PLPP3: variants seen among roughly 807,000 people sequenced by gnomAD.
PLPP3 encodes PAP2 beta.
A neutral mutation model predicts 29.6 loss-of-function variants in PLPP3; 6 were observed. The observed-to-expected ratio is 0.20, with a 90% confidence interval of 0.11 to 0.40. PLPP3 has a LOEUF of 0.40. PLPP3 is among the 10% of genes least tolerant of loss of function. PLPP3 has a pLI of 1.00. For synonymous variants in PLPP3, 152 were observed against 159.7 expected, an observed-to-expected ratio of 0.95 and a Z score of 0.36; for missense variants, 308 against 407.7, an observed-to-expected ratio of 0.76 and a Z score of 2.11.
chr1:56,577,268 T>C (rs1646242785), intron 1 of PLPP3, among the ~76,000 whole-genome samples: 1 of 152,202 alleles, frequency 6.6e-6, no homozygotes, highest in African/African-American at 2.4e-5. Flanking sequence ...TCTGTCCCAC[T>C]GTGCATGATA....
At chr1:56,501,636 G>A (rs1470769821) in intron 5 of PLPP3, among the ~76,000 whole-genome samples, 1 of 152,076 alleles carries the variant, frequency 6.6e-6, no homozygotes, top group Non-Finnish European at 1.5e-5. Flanking sequence ...ATCCCAGGGT[G>A]GAATATGATC....
intron 1 of PLPP3, among the ~76,000 whole-genome samples, chr1:56,557,547 C>G (rs953922414): frequency 1.3e-5 from 2 of 152,090 alleles, no homozygotes; most frequent in African/African-American, 4.8e-5. Flanking sequence ...AGTTGATACA[C>G]GTATAATTAA....
At position 56,578,963 on chromosome 1, in the gene PLPP3, G is replaced by C. The variant is rs754621620; in HGVS notation, c.54C>G (p.Gly18=). The part of the protein sequence containing the change: ...KAIVPESKNG[G]SPALNNNPRR... ...TCGGGTTGTTGTTGAGCGCCGGGCTGCCGCCGTTCTTGCTCTCCGGGACGA... is the reference window on the plus strand; with the variant it reads ...TCGGGTTGTTGTTGAGCGCCGGGCTCCCGCCGTTCTTGCTCTCCGGGACGA... The change falls in exon 1 of 6, where the codon GGC becomes GGG. Residue 18 remains glycine (G), a synonymous_variant. Transcript: ENST00000371250. 2.1e-5 allele frequency: 34 copies of C among 1,602,472 alleles called. No individual in the cohort carries two copies. In the East Asian group the frequency reaches 7.6e-4, roughly 36 times the overall value.
At chr1:56,561,638 A>C (rs1440206401) in intron 1 of PLPP3, among the ~76,000 whole-genome samples, 1 of 152,106 alleles carries the variant, frequency 6.6e-6, no homozygotes, top group Non-Finnish European at 1.5e-5. Flanking sequence ...TTTTTCAATG[A>C]AAATTTTTCA....
At chr1:56,553,274 G>C (rs1482981647) in intron 1 of PLPP3, among the ~76,000 whole-genome samples, 1 of 152,162 alleles carries the variant, frequency 6.6e-6, no homozygotes, top group East Asian at 1.9e-4. Context: ...TCCCAGCAGG[G>C]ACTCAAAATA....
intron 5 of PLPP3, among the ~76,000 whole-genome samples, chr1:56,499,348 C>T (rs944077815): frequency 2.0e-5 from 3 of 152,096 alleles, no homozygotes; most frequent in African/African-American, 7.2e-5. Context: ...CCATGCTCTC[C>T]CGTGTGTCCA....
intron 4 of PLPP3, among the ~76,000 whole-genome samples, chr1:56,516,134 T>C (rs1173227244): frequency 6.6e-6 from 1 of 152,098 alleles, no homozygotes; most frequent in African/African-American, 2.4e-5. Context: ...ACATCTGATA[T>C]GAGAAAAAAG....
chr1:56,555,031 G>C (rs543239955), intron 1 of PLPP3, among the ~76,000 whole-genome samples: 2 of 152,236 alleles, frequency 1.3e-5, no homozygotes, highest in South Asian at 4.1e-4. Flanking sequence ...GGTGATCACA[G>C]TTCAAATGTT....
intron 3 of PLPP3, 98 bp from the exon 4 acceptor site, chr1:56,523,978 A>G: frequency 7.3e-7 from 1 of 1,369,996 alleles, no homozygotes; most frequent in African/African-American, 1.4e-5. Context: ...CCTTGAGAGC[A>G]GGCACTAGGC....
chr1:56,496,312 C>T lies in PLPP3; in HGVS notation c.*239G>A, dbSNP rs1029998101. 2.4e-6 allele frequency: 1 copy of T among 410,884 alleles called. No homozygotes were observed. The highest frequency in any genetic ancestry group is 4.5e-6 in the Non-Finnish European group (1 of 221,716). 25.5% of individuals were successfully genotyped at this position (410,884 alleles called of 1,614,324 possible). A position where few individuals can be genotyped will look rare whatever the true frequency, so the allele number is the denominator to read the frequency against. On this transcript the variant is annotated 3_prime_UTR_variant, in exon 6 of 6. Transcript: ENST00000371250. ...CAAGCTGTGTTCACTAGAACATGAA[C>T]ACTTAAACCAATTGCACATCCAGGA...
chr1:56,518,914 G>C (rs567038344), intron 4 of PLPP3, among the ~76,000 whole-genome samples: 189 of 151,990 alleles, frequency 1.2e-3, no homozygotes, highest in African/African-American at 4.4e-3. Flanking sequence ...CAGATGGTGA[G>C]ACGTAAGGCT....
intron 1 of PLPP3, among the ~76,000 whole-genome samples, chr1:56,537,434 C>T (rs1391011328): frequency 2.6e-5 from 4 of 152,220 alleles, no homozygotes; most frequent in East Asian, 3.9e-4. Flanking sequence ...AAGCCCGAAT[C>T]GCAACATTTA....
At chr1:56,567,393 C>CTTTTTT (rs1172831045) in intron 1 of PLPP3, among the ~76,000 whole-genome samples, 26 of 116,952 alleles carry the variant, frequency 2.2e-4, no homozygotes, top group Admixed American at 4.5e-4. Flanking sequence ...TAAGGTATTT[C>CTTTTTT]TTTTTTTTTT....
intron 5 of PLPP3, among the ~76,000 whole-genome samples, chr1:56,506,556 A>G (rs1448699225): frequency 6.6e-6 from 1 of 152,202 alleles, no homozygotes; most frequent in African/African-American, 2.4e-5. Flanking sequence ...TCCTCTGCTG[A>G]ACCCACAGCA....
chr1:56,555,836 G>C (rs1480561553), intron 1 of PLPP3, among the ~76,000 whole-genome samples: 1 of 152,180 alleles, frequency 6.6e-6, no homozygotes, highest in South Asian at 2.1e-4. Context: ...GGTAAGTCTA[G>C]TGTGTGTGCT....
intron 1 of PLPP3, among the ~76,000 whole-genome samples, chr1:56,558,514 AT>A (rs1280547779): frequency 1.3e-5 from 2 of 152,232 alleles, no homozygotes; most frequent in East Asian, 3.9e-4. Flanking sequence ...TCTCTTATGC[AT>A]TTATTTGTTC....
At chr1:56,497,382 G>A (rs943000974) in intron 5 of PLPP3, among the ~76,000 whole-genome samples, 1 of 152,230 alleles carries the variant, frequency 6.6e-6, no homozygotes, top group African/African-American at 2.4e-5. Flanking sequence ...GATGGCACAG[G>A]CATAGTTCCT....
intron 1 of PLPP3, among the ~76,000 whole-genome samples, chr1:56,568,912 A>T (rs997550698): frequency 6.6e-6 from 1 of 151,974 alleles, no homozygotes; most frequent in Non-Finnish European, 1.5e-5. Context: ...GGCGTGAGCC[A>T]CCGCGCCCGG....
chr1:56,555,283 C>T (rs535427410), intron 1 of PLPP3, among the ~76,000 whole-genome samples: 1 of 151,654 alleles, frequency 6.6e-6, no homozygotes, highest in Non-Finnish European at 1.5e-5. Context: ...TTTTATCTGT[C>T]CCCTGCACAT....
Sources: gnomAD v4.1 joint callset for allele counts (sites outside exome capture counted in the v4.1 genomes callset) on GRCh38, gnomAD v4.1.1 for gene constraint, MANE v1.5 for transcripts, NCBI Gene and HGNC (gene_info 2026-07-23, HGNC 2026-07-21) for gene names.